Variants in DYNC2H1 observed in about 807,000 individuals in gnomAD.
DYNC2H1 encodes the protein cytoplasmic dynein 2 heavy chain 1.
In DYNC2H1, 410 loss-of-function variants were observed where a neutral mutation model predicts 570.0. That is an observed-to-expected ratio of 0.72 (90% CI 0.66 to 0.78). The LOEUF (loss-of-function observed/expected upper bound fraction) is 0.78. Ranked by LOEUF, DYNC2H1 falls within the 30% of genes least tolerant of loss-of-function variation. The probability of loss-of-function intolerance (pLI) is 0.00; values close to 1 mark genes in which losing one functional copy is unlikely to be tolerated. For missense variants in DYNC2H1, 4,865 were observed against 5,046.4 expected (o/e 0.96, Z 1.09); for synonymous variants, 1,688 against 1,677.6 (o/e 1.01, Z -0.15).
intron 39 of DYNC2H1, among the ~76,000 whole-genome samples, chr11:103,179,902 C>T (rs942754119): frequency 6.6e-6 from 1 of 151,532 alleles, no homozygotes; most frequent in African/African-American, 2.4e-5. Context: ...TTTTATTTTA[C>T]TTTTCCAATT....
chr11:103,438,785 A>G (rs1944152779), intron 85 of DYNC2H1, among the ~76,000 whole-genome samples: 1 of 152,240 alleles, frequency 6.6e-6, no homozygotes, highest in Admixed American at 6.5e-5. Context: ...CAGGATTAGT[A>G]AGTAGATACA....
Position 103,122,756 on chromosome 11 carries a change from G to A in DYNC2H1, c.1486-69G>A, listed in dbSNP as rs553611460. On this transcript the variant is annotated intron_variant, in intron 10 of 88. Transcript: ENST00000375735. ...TTCTGAATCACAGATCAGAGAAGGG[G>A]ACTCCTTACTTTATGCTAATTTTTT... The A allele has an allele frequency of 2.6e-5, 34 of 1,323,272 alleles. No homozygotes were observed. In the African/African-American group the frequency reaches 4.1e-4, roughly 16 times the overall value. The allele number at this position is 1,323,272 out of a possible 1,614,324, so 82.0% of individuals were successfully genotyped here.
intron 73 of DYNC2H1, 39 bp downstream of exon 73, chr11:103,283,124 C>G: frequency 1.3e-6 from 2 of 1,503,830 alleles, no homozygotes; most frequent in Non-Finnish European, 1.8e-6. Context: ...TTAATTTCTT[C>G]TGTATTTGCA....
In DYNC2H1 at chr11:103,215,873, G is replaced by T; in HGVS notation, c.8832+15G>T. Reference sequence around the variant, plus strand: ...TGTCAATGCAGGTAATGTTTAGAGTGACCACAAAAATGAAAACAATATGGA... The same window carrying T: ...TGTCAATGCAGGTAATGTTTAGAGTTACCACAAAAATGAAAACAATATGGA... On this transcript the variant is annotated intron_variant, in intron 55 of 88. Coordinates refer to ENST00000375735, the MANE Select transcript of DYNC2H1 (RefSeq NM_001377.3). 3 of 1,601,294 alleles carry T rather than the reference G, an allele frequency of 1.9e-6. No homozygotes were observed. The South Asian group carries it at 3.4e-5, about 18-fold the overall frequency.
chr11:103,160,889 T>A (rs760206233), intron 28 of DYNC2H1, 43 bp from the exon 29 acceptor site: 12 of 1,123,770 alleles, frequency 1.1e-5, no homozygotes, highest in Non-Finnish European at 1.5e-5. Context: ...AATAATTATG[T>A]CTTTAATCCT....
intron 85 of DYNC2H1, among the ~76,000 whole-genome samples, chr11:103,451,784 C>T (rs984051857): frequency 1.3e-5 from 2 of 152,136 alleles, no homozygotes; most frequent in Admixed American, 1.3e-4. Flanking sequence ...GGGCTAAAAA[C>T]CTATCTCAGT....
rs1027381711 is a variant in DYNC2H1, at chr11:103,228,051, C to G, written c.9354-3209C>G. Among the ~76,000 whole-genome samples the G allele has an allele frequency of 6.6e-6, 1 of 152,158 alleles. No individual in the cohort carries two copies. Among genetic ancestry groups the G allele is most frequent in the African/African-American group, 2.4e-5 (1 of 41,438 alleles). ...TTGCATGGAATATGTTTTTCCACCC[C>G]TTTACCTTAAGTTTATGAGAGTCCT... On this transcript the variant is annotated intron_variant, in intron 59 of 88. Coordinates refer to ENST00000375735, the MANE Select transcript of DYNC2H1 (RefSeq NM_001377.3). This position sits in a 1 kb window ranked among gnomAD's most constrained non-coding sequence, Gnocchi z 6.1.
At chr11:103,216,328 C>G (rs72971529) in intron 55 of DYNC2H1, among the ~76,000 whole-genome samples, 1,824 of 152,138 alleles carry the variant, frequency 0.012, 38 homozygotes, top group African/African-American at 0.041. Flanking sequence ...TTTGTTGAAC[C>G]CTTTCAAGGG....
rs1945413604 is a variant in DYNC2H1, at chr11:103,472,310, A to G, written c.12765+3605A>G. Among the ~76,000 whole-genome samples, 1 of 152,134 alleles carries G rather than the reference A, an allele frequency of 6.6e-6. No individual in the cohort carries two copies. The highest frequency in any genetic ancestry group is 1.5e-5 in the Non-Finnish European group (1 of 67,990). On this transcript the variant is annotated intron_variant, in intron 88 of 88. Transcript: ENST00000375735. This position sits in a 1 kb window ranked among gnomAD's most constrained non-coding sequence, Gnocchi z 4.1. ...GAGGCCAAGGCAGGAGAATCACTTGAGCCCAGGAGTTAGAGCCTGGCTTGG... is the reference window on the plus strand; with the variant it reads ...GAGGCCAAGGCAGGAGAATCACTTGGGCCCAGGAGTTAGAGCCTGGCTTGG...
chr11:103,340,143 G>C (rs976911928), intron 82 of DYNC2H1, among the ~76,000 whole-genome samples: 2 of 152,068 alleles, frequency 1.3e-5, no homozygotes. Flanking sequence ...TTGCACACCT[G>C]ATTTTTTTGT....
chr11:103,241,859 C>G lies in DYNC2H1; in HGVS notation c.9820-1834C>G, dbSNP rs1864434127. ...AAAACAAGGTACCTTGTCTGTGGAC[C>G]ATTTTAAAATAATAATAATAAAGCT... On this transcript the variant is annotated intron_variant, in intron 63 of 88. Transcript: ENST00000375735. The surrounding 1 kb of genome is among the most constrained non-coding windows in gnomAD (Gnocchi z 5.1). 1.4e-5 allele frequency among the ~76,000 whole-genome samples: 2 copies of G among 146,232 alleles called. No individual in the cohort carries two copies. Among genetic ancestry groups the G allele is most frequent in the African/African-American group, 5.4e-5 (2 of 37,312 alleles).
At position 103,399,781 on chromosome 11, in the gene DYNC2H1, A is replaced by G. The variant is rs1292604511; in HGVS notation, c.12275A>G (p.Gln4092Arg). 13 of 1,613,856 alleles carry G rather than the reference A, an allele frequency of 8.1e-6. No homozygotes were observed. The highest frequency in any genetic ancestry group is 1.1e-5 in the Non-Finnish European group (13 of 1,179,876). The change falls in exon 84 of 89, where the codon CAG becomes CGG. Residue 4092 changes from glutamine to arginine, a missense_variant. Gln to Arg is a conservative substitution (Grantham distance 43, BLOSUM62 1). Transcript: ENST00000375735. ...ATTCGTTTAGTACAAAGTGTCCACC[A>G]GTCTCTTGCTGCTCTCAGCAAAGTC... ...NAIRLVQSVHQSLAALSKVIR... is the reference protein window; with the variant it reads ...NAIRLVQSVHRSLAALSKVIR...
chr11:103,369,399 T>C lies in DYNC2H1; in HGVS notation c.12156+11040T>C, dbSNP rs1941051787. Among the ~76,000 whole-genome samples the C allele has an allele frequency of 6.6e-6, 1 of 152,154 alleles. No homozygotes were observed. The stretch of plus-strand genomic sequence containing the variant: ...GCAGTCCAGGCCACAAGGATTTCAA[T>C]TCCTATGTGAGTAATGCTGCTGAAC... On this transcript the variant is annotated intron_variant, in intron 83 of 88. Transcript: ENST00000375735. This position sits in a 1 kb window ranked among gnomAD's most constrained non-coding sequence, Gnocchi z 4.0.
At chr11:103,358,023 C>T (rs528854633) in intron 82 of DYNC2H1, among the ~76,000 whole-genome samples, 27 of 152,216 alleles carry the variant, frequency 1.8e-4, no homozygotes, top group African/African-American at 6.0e-4. Context: ...ATTTAAAAAT[C>T]GGTTTTCCCC....
intron 65 of DYNC2H1, among the ~76,000 whole-genome samples, chr11:103,251,033 G>T (rs979292315): frequency 5.9e-5 from 9 of 151,918 alleles, no homozygotes; most frequent in African/African-American, 1.4e-4. Context: ...TTCTGTACAG[G>T]TTAATTAATA....
chr11:103,114,982 G>T (rs907153156), intron 3 of DYNC2H1, among the ~76,000 whole-genome samples, 195 bp from the exon 4 acceptor site: 6 of 152,022 alleles, frequency 3.9e-5, no homozygotes, highest in Non-Finnish European at 5.9e-5. Flanking sequence ...TAAAAAATGT[G>T]GCACTAAGTA....
chr11:103,362,023 A>T (rs1289537628), intron 83 of DYNC2H1, among the ~76,000 whole-genome samples: 2 of 151,508 alleles, frequency 1.3e-5, no homozygotes, highest in Non-Finnish European at 2.9e-5. Flanking sequence ...GAGATAGGAG[A>T]TGAGGAGCTG....
intron 79 of DYNC2H1, 48 bp from the exon 80 acceptor site, chr11:103,316,497 C>T: frequency 7.6e-7 from 1 of 1,310,736 alleles, no homozygotes; most frequent in Non-Finnish European, 1.1e-6. Context: ...ACATATATAT[C>T]TTTGACTACT....
chr11:103,432,993 AT>A (rs1190080387), intron 84 of DYNC2H1, among the ~76,000 whole-genome samples: 1 of 152,110 alleles, frequency 6.6e-6, no homozygotes, highest in African/African-American at 2.4e-5. Flanking sequence ...CCTTGATTGA[AT>A]TGTTTTTTCC....
Sources: gnomAD v4.1 joint callset for allele counts (sites outside exome capture counted in the v4.1 genomes callset) on GRCh38, gnomAD v4.1.1 for gene constraint, Gnocchi (gnomAD v3.1) non-coding constraint, MANE v1.5 for transcripts, NCBI Gene and HGNC (gene_info 2026-07-23, HGNC 2026-07-21) for gene names.